CTNNA2: variants seen among roughly 807,000 people sequenced by gnomAD.
CTNNA2 encodes catenin alpha 2.
A neutral mutation model predicts 101.0 loss-of-function variants in CTNNA2; 42 were observed. The observed-to-expected ratio is 0.42, with a 90% CI of 0.32 to 0.54. The LOEUF is 0.54. Ranked by LOEUF, CTNNA2 falls within the 20% of genes least tolerant of loss-of-function variation. The pLI is 0.14. For synonymous variants in CTNNA2, 450 were observed against 456.4 expected (o/e 0.99, Z 0.18); for missense variants, 871 against 1,223.1 (o/e 0.71, Z 4.29).
intron 7 of CTNNA2, among the ~76,000 whole-genome samples, chr2:80,043,283 C>A (rs1324394828): frequency 1.3e-5 from 2 of 150,502 alleles, no homozygotes; most frequent in Non-Finnish European, 3.0e-5. Context: ...CTGCAACCTC[C>A]ACCTCCTGGG....
chr2:79,454,112 G>A (rs1290620164), intron 4 of CTNNA2, among the ~76,000 whole-genome samples: 4 of 152,094 alleles, frequency 2.6e-5, no homozygotes, highest in Non-Finnish European at 4.4e-5. Flanking sequence ...GAAAGGATTC[G>A]TGAATGTGTG....
At chr2:80,513,567 G>A (rs1456386574) in intron 9 of CTNNA2, among the ~76,000 whole-genome samples, 1 of 152,176 alleles carries the variant, frequency 6.6e-6, no homozygotes, top group African/African-American at 2.4e-5. Context: ...TATCAGTCAG[G>A]ATAAATTAGG....
In CTNNA2 at chr2:79,320,593, A is replaced by G. The variant is rs151089661; in HGVS notation, c.-318+7797A>G. On this transcript the variant is annotated intron_variant, in intron 3 of 21. Transcript: ENST00000466387. ...AAGTTCTGCCTCTTGCTGCTGCTGA[A>G]CTCTTGCACTCAAAGTAGGAGACAG... Among the ~76,000 whole-genome samples, 546 of 152,126 alleles carry G rather than the reference A, an allele frequency of 3.6e-3. 3 individuals are homozygous for G. Among genetic ancestry groups the G allele is most frequent in the African/African-American group, 0.013 (523 of 41,486 alleles).
chr2:80,631,994 A>G (rs1033953078), intron 18 of CTNNA2, among the ~76,000 whole-genome samples: 1 of 152,168 alleles, frequency 6.6e-6, no homozygotes, highest in African/African-American at 2.4e-5. Context: ...ATTAACCAAT[A>G]GAGAAGTACT....
At chr2:79,284,911 G>A (rs1159953211) in intron 2 of CTNNA2, among the ~76,000 whole-genome samples, 4 of 133,488 alleles carry the variant, frequency 3.0e-5, no homozygotes, top group African/African-American at 1.1e-4. Context: ...TGGTTGGTAA[G>A]CTATTGATTA....
chr2:79,737,394 G>A (rs927743741), intron 2 of CTNNA2, among the ~76,000 whole-genome samples: 4 of 148,916 alleles, frequency 2.7e-5, no homozygotes, highest in African/African-American at 4.9e-5. Flanking sequence ...ACTTTTTTTC[G>A]CTTCAGCTAG....
intron 3 of CTNNA2, among the ~76,000 whole-genome samples, chr2:79,813,226 C>G (rs1189695843): frequency 6.6e-6 from 1 of 152,164 alleles, no homozygotes; most frequent in Non-Finnish European, 1.5e-5. Flanking sequence ...TGGGCACACT[C>G]CTTGCTTAAC....
intron 7 of CTNNA2, among the ~76,000 whole-genome samples, chr2:79,994,081 G>T (rs552307298): frequency 4.4e-4 from 67 of 151,940 alleles, no homozygotes; most frequent in South Asian, 1.3e-3. Flanking sequence ...CTATTTTGGG[G>T]TTTTTTTACT....
At chr2:79,496,338 T>C (rs1008659149) in intron 4 of CTNNA2, among the ~76,000 whole-genome samples, 1 of 152,168 alleles carries the variant, frequency 6.6e-6, no homozygotes, top group African/African-American at 2.4e-5. Flanking sequence ...GTATTCTACA[T>C]GCAATTAAAA....
intron 3 of CTNNA2, among the ~76,000 whole-genome samples, chr2:79,363,078 T>C (rs188307232): frequency 6.6e-6 from 1 of 152,356 alleles, no homozygotes; most frequent in East Asian, 1.9e-4. Context: ...TGTGTTAACT[T>C]ACTTCAGGCT....
rs572881777 is a variant in CTNNA2 at position 79,682,188 on chromosome 2, C to A, written c.102+30530C>A. On this transcript the variant is annotated intron_variant, in intron 2 of 18. Coordinates refer to ENST00000402739, the MANE Select transcript of CTNNA2 (RefSeq NM_001282597.3). ...CTTTGGGAGGCCGAGGCAGGCGGAT[C>A]ACGAGGTCAGGAGATCGAGACCATC... Among the ~76,000 whole-genome samples, 45 of 151,844 alleles carry A rather than the reference C, an allele frequency of 3.0e-4. No homozygotes were observed. In the East Asian group the frequency reaches 4.9e-3, roughly 16 times the overall value.
chr2:79,646,620 C>T (rs1224872620), intron 1 of CTNNA2, among the ~76,000 whole-genome samples: 3 of 150,628 alleles, frequency 2.0e-5, no homozygotes, highest in Non-Finnish European at 2.9e-5. Context: ...CCTCGACATC[C>T]CTGGGCTCAA....
intron 7 of CTNNA2, among the ~76,000 whole-genome samples, chr2:80,082,491 T>C (rs936266322): frequency 2.0e-5 from 3 of 152,200 alleles, no homozygotes; most frequent in Non-Finnish European, 2.9e-5. Flanking sequence ...TTGGCATCTA[T>C]TTGCCTGAAG....
rs151265720 is a variant in CTNNA2, at chr2:80,002,291, G to A, written c.1056+92494G>A. ...GAGCTGGGCTGGTACCACGTGGACCGCTCTTACTCTAAAAGGAAAATTGAG... is the reference window on the plus strand; with the variant it reads ...GAGCTGGGCTGGTACCACGTGGACCACTCTTACTCTAAAAGGAAAATTGAG... On this transcript the variant is annotated intron_variant, in intron 7 of 18. Coordinates refer to ENST00000402739, the MANE Select transcript of CTNNA2 (RefSeq NM_001282597.3). Among the ~76,000 whole-genome samples the A allele has an allele frequency of 3.4e-4, 52 of 152,208 alleles. No individual in the cohort carries two copies. In the East Asian group the frequency reaches 9.5e-3, roughly 28 times the overall value.
At chr2:80,349,768 C>T (rs1573801009) in intron 7 of CTNNA2, among the ~76,000 whole-genome samples, 1 of 152,220 alleles carries the variant, frequency 6.6e-6, no homozygotes, top group East Asian at 1.9e-4. Flanking sequence ...TATCATCCTG[C>T]CTTAGCCTCC....
At chr2:79,361,755 G>A (rs1362863106) in intron 3 of CTNNA2, among the ~76,000 whole-genome samples, 1 of 152,160 alleles carries the variant, frequency 6.6e-6, no homozygotes, top group Non-Finnish European at 1.5e-5. Flanking sequence ...GAAGAACTTG[G>A]AGTCAGATGT....
chr2:80,025,727 T>C (rs1003121837), intron 7 of CTNNA2, among the ~76,000 whole-genome samples: 1 of 152,062 alleles, frequency 6.6e-6, no homozygotes, highest in African/African-American at 2.4e-5. Flanking sequence ...TATAAGGAAG[T>C]AGTGACAGCT....
At chr2:80,444,208 T>G (rs1682865834) in intron 9 of CTNNA2, among the ~76,000 whole-genome samples, 1 of 152,210 alleles carries the variant, frequency 6.6e-6, no homozygotes, top group African/African-American at 2.4e-5. Context: ...AAACTGAATT[T>G]TAGATCAAGG....
chr2:79,725,257 A>G (rs2104886818), intron 2 of CTNNA2, among the ~76,000 whole-genome samples: 1 of 152,366 alleles, frequency 6.6e-6, no homozygotes, highest in East Asian at 1.9e-4. Context: ...GATCAGGCCC[A>G]GATGGTATGG....
Sources: allele counts gnomAD v4.1 joint callset (sites outside exome capture counted in the v4.1 genomes callset), GRCh38; gene constraint gnomAD v4.1.1; transcripts MANE v1.5; gene names NCBI Gene and HGNC (gene_info 2026-07-23, HGNC 2026-07-21).